Variants in GALNTL6 observed in about 807,000 individuals in gnomAD.
GALNTL6 encodes the protein polypeptide N-acetylgalactosaminyltransferase-like 6.
Under a neutral mutation model 73.7 loss-of-function variants are expected in GALNTL6, and 46 were observed. That is an observed-to-expected ratio of 0.62 (90% CI 0.49 to 0.80). The LOEUF is 0.80. Among genes scored for constraint, GALNTL6 ranks in the 30% least tolerant of loss-of-function variants. The pLI is 0.00. For synonymous variants in GALNTL6, 259 were observed against 263.7 expected, an observed-to-expected ratio of 0.98 and a Z score of 0.17; for missense variants, 604 against 755.0, an observed-to-expected ratio of 0.80 and a Z score of 2.34.
At position 172,932,153 on chromosome 4, in the gene GALNTL6, A is replaced by G. The variant is rs774860658; in HGVS notation, c.1149+885A>G. Among the ~76,000 whole-genome samples, 17 of 152,238 alleles carry G rather than the reference A, an allele frequency of 1.1e-4. 1 individual carries two copies. The highest frequency in any genetic ancestry group is 1.8e-4 in the Non-Finnish European group (12 of 68,052). On this transcript the variant is annotated intron_variant, in intron 9 of 12. Coordinates refer to ENST00000506823, the MANE Select transcript of GALNTL6 (RefSeq NM_001034845.3). Reference sequence around the variant, plus strand: ...GGATCTTTTATATAAGGCTCACATAACAAGCTTTTGTAAAAATAAATAAAC... The same window carrying G: ...GGATCTTTTATATAAGGCTCACATAGCAAGCTTTTGTAAAAATAAATAAAC...
chr4:172,853,143 C>G (rs1020464117), intron 7 of GALNTL6, among the ~76,000 whole-genome samples: 2 of 152,168 alleles, frequency 1.3e-5, no homozygotes, highest in Admixed American at 6.6e-5. Context: ...AATCAAGACA[C>G]AGGCCAAGGT....
intron 2 of GALNTL6, among the ~76,000 whole-genome samples, chr4:172,084,055 A>G (rs996020243): frequency 2.0e-5 from 3 of 152,208 alleles, no homozygotes; most frequent in African/African-American, 7.2e-5. Flanking sequence ...GCAGAGATTG[A>G]TGTCATAGGA....
chr4:172,113,684 A>G (rs1732915320), intron 2 of GALNTL6, among the ~76,000 whole-genome samples: 1 of 152,094 alleles, frequency 6.6e-6, no homozygotes, highest in African/African-American at 2.4e-5. Flanking sequence ...ATAAATAATG[A>G]TATACATATT....
chr4:171,820,870 T>A (rs1179014294), intron 2 of GALNTL6, among the ~76,000 whole-genome samples: 1 of 152,190 alleles, frequency 6.6e-6, no homozygotes, highest in Non-Finnish European at 1.5e-5. Flanking sequence ...AATTTTGAAT[T>A]ATTTCAAGTA....
At chr4:173,017,250 G>A (rs1340087054) in intron 11 of GALNTL6, among the ~76,000 whole-genome samples, 1 of 152,172 alleles carries the variant, frequency 6.6e-6, no homozygotes, top group African/African-American at 2.4e-5. Flanking sequence ...AAAGAAGAAA[G>A]CAGAGAAATT....
chr4:172,270,603 TC>T (rs1738609044), intron 3 of GALNTL6, among the ~76,000 whole-genome samples: 1 of 152,170 alleles, frequency 6.6e-6, no homozygotes, highest in Non-Finnish European at 1.5e-5. Flanking sequence ...ACAAGCACTT[TC>T]GTAGACTCAG....
intron 5 of GALNTL6, among the ~76,000 whole-genome samples, chr4:172,707,548 C>G (rs1734430201): frequency 6.6e-6 from 1 of 152,190 alleles, no homozygotes; most frequent in East Asian, 1.9e-4. Flanking sequence ...TTTCAATCAA[C>G]TCATCATAAT....
At chr4:172,335,673 G>A (rs776442348) in intron 4 of GALNTL6, among the ~76,000 whole-genome samples, 4 of 152,052 alleles carry the variant, frequency 2.6e-5, no homozygotes, top group African/African-American at 4.8e-5. Flanking sequence ...TTCAATCTGG[G>A]GAGCTTGTAT....
intron 2 of GALNTL6, among the ~76,000 whole-genome samples, chr4:172,020,196 T>A (rs1331304350): frequency 6.6e-6 from 1 of 151,916 alleles, no homozygotes; most frequent in Non-Finnish European, 1.5e-5. Context: ...TAGCTCTAAG[T>A]GCCTAAATCA....
At chr4:172,651,761 G>A (rs527391504) in intron 5 of GALNTL6, among the ~76,000 whole-genome samples, 30 of 152,242 alleles carry the variant, frequency 2.0e-4, no homozygotes, top group Non-Finnish European at 1.5e-4. Context: ...TAAAATGAAC[G>A]ATAATTAAAG....
intron 12 of GALNTL6, among the ~76,000 whole-genome samples, chr4:173,032,403 ATCGTGCCACTGCAC>A (rs1310004666): frequency 1.3e-5 from 2 of 151,636 alleles, no homozygotes; most frequent in Non-Finnish European, 2.9e-5. Flanking sequence ...GTGAGCCGAG[ATCGTGCCACTGCAC>A]TCCAGCCTCG....
chr4:171,901,691 G>A (rs1355093728), intron 2 of GALNTL6, among the ~76,000 whole-genome samples: 1 of 152,174 alleles, frequency 6.6e-6, no homozygotes, highest in Non-Finnish European at 1.5e-5. Flanking sequence ...AAGAGAGGCT[G>A]TCTGAATTTG....
intron 5 of GALNTL6, among the ~76,000 whole-genome samples, chr4:172,430,305 G>C (rs773768082): frequency 1.3e-5 from 2 of 152,034 alleles, no homozygotes; most frequent in Non-Finnish European, 2.9e-5. Context: ...TAGAGAGACA[G>C]AAAGAGAGAG....
intron 5 of GALNTL6, among the ~76,000 whole-genome samples, chr4:172,526,474 C>A (rs998332707): frequency 6.6e-6 from 1 of 152,178 alleles, no homozygotes; most frequent in Non-Finnish European, 1.5e-5. Flanking sequence ...CAGTCAACTC[C>A]AGTCTTTACT....
intron 5 of GALNTL6, among the ~76,000 whole-genome samples, chr4:172,781,856 A>G (rs976581005): frequency 1.3e-5 from 2 of 151,696 alleles, no homozygotes; most frequent in Non-Finnish European, 2.9e-5. Context: ...ATGGGCATGT[A>G]TTATTTATTT....
intron 2 of GALNTL6, among the ~76,000 whole-genome samples, chr4:171,923,534 A>G (rs1737863419): frequency 6.7e-6 from 1 of 148,360 alleles, no homozygotes; most frequent in African/African-American, 2.5e-5. Flanking sequence ...AGTAGCAGGG[A>G]CTACAGGTGC....
At chr4:172,132,674 C>G (rs1309037220) in intron 2 of GALNTL6, among the ~76,000 whole-genome samples, 2 of 151,968 alleles carry the variant, frequency 1.3e-5, no homozygotes, top group African/African-American at 4.8e-5. Context: ...TGTGTTTTTA[C>G]TAGATATAAG....
At chr4:172,704,471 C>A (rs917166486) in intron 5 of GALNTL6, among the ~76,000 whole-genome samples, 1 of 151,766 alleles carries the variant, frequency 6.6e-6, no homozygotes, top group African/African-American at 2.4e-5. Flanking sequence ...TGTTTAAGAG[C>A]ATGTTGTTTA....
intron 2 of GALNTL6, among the ~76,000 whole-genome samples, chr4:172,109,522 A>G (rs1333280552): frequency 5.3e-5 from 8 of 152,358 alleles, no homozygotes; most frequent in Non-Finnish European, 1.5e-5. Context: ...CTAAAATAAT[A>G]TAAACAGTAG....
Sources: gnomAD v4.1 joint callset for allele counts (sites outside exome capture counted in the v4.1 genomes callset) on GRCh38, gnomAD v4.1.1 for gene constraint, MANE v1.5 for transcripts, NCBI Gene and HGNC (gene_info 2026-07-23, HGNC 2026-07-21) for gene names.